CTH: variants seen among roughly 807,000 people sequenced by gnomAD.
CTH encodes cystathionine gamma-lyase.
CTH carries 41 observed loss-of-function variants against 50.6 expected under a neutral mutation model. The ratio of observed to expected loss-of-function variants is 0.81; its 90% CI spans 0.63 to 1.05. CTH has a LOEUF of 1.05. CTH is among the 50% of genes least tolerant of loss of function. The pLI is 0.00. For missense variants in CTH, 470 were observed against 492.6 expected, an observed-to-expected ratio of 0.95 and a Z score of 0.43; for synonymous variants, 156 against 168.9, an observed-to-expected ratio of 0.92 and a Z score of 0.59.
intron 8 of CTH, among the ~76,000 whole-genome samples, chr1:70,433,384 G>A (rs1006736012): frequency 2.3e-4 from 35 of 152,214 alleles, no homozygotes; most frequent in Admixed American, 1.3e-4. Flanking sequence ...GCATAGACAA[G>A]GTATTGGAGA....
At chr1:70,421,316 A>C (rs1474123911) in intron 3 of CTH, among the ~76,000 whole-genome samples, 1 of 152,210 alleles carries the variant, frequency 6.6e-6, no homozygotes, top group Non-Finnish European at 1.5e-5. Flanking sequence ...TTTGAAAAAC[A>C]TTATTTGCTT....
intron 9 of CTH, 101 bp downstream of exon 9, chr1:70,434,050 A>C: frequency 6.4e-7 from 1 of 1,562,222 alleles, no homozygotes; most frequent in Non-Finnish European, 8.7e-7. Context: ...TTGTATCTGC[A>C]GGTTACACTC....
At chr1:70,421,788 A>G in intron 4 of CTH, 113 bp downstream of exon 4, 1 of 1,080,946 alleles carries the variant, frequency 9.3e-7, no homozygotes, top group Non-Finnish European at 1.4e-6. Flanking sequence ...ATTTTATGCC[A>G]TTGGAAACAT....
chr1:70,428,889 A>G (rs1365818813), intron 5 of CTH, among the ~76,000 whole-genome samples: 3 of 151,988 alleles, frequency 2.0e-5, no homozygotes, highest in African/African-American at 7.2e-5. Flanking sequence ...TTGGGATTAC[A>G]GGTATGAGCC....
chr1:70,413,194 G>A (rs1557459701), intron 1 of CTH, among the ~76,000 whole-genome samples: 1 of 151,754 alleles, frequency 6.6e-6, no homozygotes, highest in Non-Finnish European at 1.5e-5. Flanking sequence ...TTCTACAACT[G>A]GTTTAGAATA....
chr1:70,413,707 A>G (rs1684024225), intron 1 of CTH, among the ~76,000 whole-genome samples: 1 of 147,114 alleles, frequency 6.8e-6, no homozygotes. Flanking sequence ...GCCAGCAGGG[A>G]TGGTTAAATC....
chr1:70,438,802 T>C lies in CTH; in HGVS notation c.1167T>C (p.Asp389=), dbSNP rs374296307. The stretch of plus-strand genomic sequence containing the variant: ...AGGATGAGGAAGACCTACTGGAAGA[T>C]CTAGATCAAGCTTTGAAGGCAGCAG... ...GLEDEEDLLE[D]LDQALKAAHP... Residue 389 remains aspartate, a synonymous_variant, in exon 11 of 12, where the codon GAT becomes GAC. Transcript: ENST00000370938. 2.5e-6 allele frequency: 4 copies of C among 1,613,612 alleles called. No homozygotes were observed. Among genetic ancestry groups the C allele is most frequent in the Non-Finnish European group, 2.5e-6 (3 of 1,179,976 alleles).
At chr1:70,437,387 G>A (rs1684620326) in intron 10 of CTH, among the ~76,000 whole-genome samples, 1 of 152,036 alleles carries the variant, frequency 6.6e-6, no homozygotes, top group African/African-American at 2.4e-5. Context: ...TTTAAGACAG[G>A]TGTTATATCC....
intron 3 of CTH, among the ~76,000 whole-genome samples, chr1:70,420,034 C>T (rs1295746506): frequency 4.8e-5 from 7 of 146,632 alleles, no homozygotes; most frequent in African/African-American, 1.8e-4. Flanking sequence ...TGCTCTGTTG[C>T]CAGGCTGGAG....
chr1:70,427,763 A>G (rs1046770512), intron 5 of CTH, among the ~76,000 whole-genome samples: 1 of 152,140 alleles, frequency 6.6e-6, no homozygotes, highest in African/African-American at 2.4e-5. Context: ...CCCAGGCTGG[A>G]GTGCAGTGGC....
chr1:70,439,469 G>T lies in CTH; in HGVS notation c.*342G>T. 4.5e-6 allele frequency: 1 copy of T among 220,978 alleles called. No homozygotes were observed. Among genetic ancestry groups the T allele is most frequent in the East Asian group, 1.0e-4 (1 of 9,888 alleles). The allele number at this position is 220,978 out of a possible 1,614,324, so 13.7% of individuals were successfully genotyped here. A position where few individuals can be genotyped will look rare whatever the true frequency, so the allele number is the denominator to read the frequency against. On this transcript the variant is annotated 3_prime_UTR_variant, in exon 12 of 12. Coordinates refer to ENST00000370938, the MANE Select transcript of CTH (RefSeq NM_001902.6). ...TATAATATAATGGTAATTCATTTTT[G>T]ATGTTTTGTGAAGAATTTAAATTTA...
intron 4 of CTH, among the ~76,000 whole-genome samples, chr1:70,423,466 G>C (rs1297736840): frequency 6.6e-6 from 1 of 151,872 alleles, no homozygotes; most frequent in Non-Finnish European, 1.5e-5. Context: ...AACTACTGGA[G>C]AGGCTGAGGT....
chr1:70,434,880 G>A, intron 9 of CTH: 1 of 354,024 alleles, frequency 2.8e-6, no homozygotes, highest in South Asian at 2.3e-5. Flanking sequence ...AGCCTTCCAG[G>A]TAGCTGGGAT....
chr1:70,417,642 A>G (rs1684123339), intron 2 of CTH, among the ~76,000 whole-genome samples: 1 of 152,212 alleles, frequency 6.6e-6, no homozygotes, highest in African/African-American at 2.4e-5. Flanking sequence ...TAGGCCTTTT[A>G]TCTCAGATAT....
intron 4 of CTH, among the ~76,000 whole-genome samples, chr1:70,423,004 A>G (rs1684260942): frequency 6.6e-6 from 1 of 152,162 alleles, no homozygotes; most frequent in African/African-American, 2.4e-5. Flanking sequence ...ACTTGAATTA[A>G]TACCTTTTCC....
intron 10 of CTH, 108 bp from the exon 11 acceptor site, chr1:70,438,580 T>G (rs1684647791): frequency 1.6e-6 from 2 of 1,262,744 alleles, no homozygotes; most frequent in Admixed American, 1.7e-5. Context: ...ATGCAAAATT[T>G]GATATTTGGA....
At chr1:70,433,777 A>G in intron 8 of CTH, 51 bp from the exon 9 acceptor site, 1 of 1,609,318 alleles carries the variant, frequency 6.2e-7, no homozygotes, top group Non-Finnish European at 8.5e-7. Flanking sequence ...CCCCCCCCAA[A>G]AATTACATGT....
intron 3 of CTH, among the ~76,000 whole-genome samples, chr1:70,420,220 G>A (rs1294653662): frequency 1.3e-5 from 2 of 152,054 alleles, no homozygotes; most frequent in Non-Finnish European, 2.9e-5. Context: ...TCAAACTCCC[G>A]ACCTTAGGTG....
chr1:70,415,894 A>G, intron 1 of CTH, 62 bp from the exon 2 acceptor site: 1 of 876,796 alleles, frequency 1.1e-6, no homozygotes. Context: ...ATAGTTCTCT[A>G]TGTTAGGACT....
Sources: allele counts gnomAD v4.1 joint callset (sites outside exome capture counted in the v4.1 genomes callset), GRCh38; gene constraint gnomAD v4.1.1; transcripts MANE v1.5; gene names NCBI Gene and HGNC (gene_info 2026-07-23, HGNC 2026-07-21).